The following NEO1 variants were observed in gnomAD, a reference collection of about 807,000 sequenced individuals.
The protein encoded by NEO1 is neogenin.
Under a neutral mutation model 159.7 loss-of-function variants are expected in NEO1, and 63 were observed. The observed-to-expected ratio is 0.39, with a 90% CI of 0.32 to 0.49. The LOEUF (loss-of-function observed/expected upper bound fraction) is 0.49, where lower values mean the gene tolerates loss of function less well. NEO1 is among the 20% of genes least tolerant of loss of function. NEO1 has a pLI of 0.85. For synonymous variants in NEO1, 633 were observed against 662.0 expected (o/e 0.96, Z 0.67); for missense variants, 1,615 against 1,831.0 (o/e 0.88, Z 2.15).
At position 73,052,486 on chromosome 15, in the gene NEO1, G is replaced by A; in HGVS notation, c.-190G>A. On this transcript the variant is annotated 5_prime_UTR_variant, in exon 1 of 29. Coordinates refer to ENST00000261908, the MANE Select transcript of NEO1 (RefSeq NM_002499.4). Reference sequence around the variant, plus strand: ...CTCCCCTCCCCGCCCCCTTGCAGGAGGGAGGCGCCCTGGAGTCTCCCCTCC... The same window carrying A: ...CTCCCCTCCCCGCCCCCTTGCAGGAAGGAGGCGCCCTGGAGTCTCCCCTCC... The A allele has an allele frequency of 1.2e-5, 2 of 172,054 alleles. No individual in the cohort carries two copies. Among genetic ancestry groups the A allele is most frequent in the Admixed American group, 1.4e-4 (2 of 14,526 alleles). The allele number at this position is 172,054 out of a possible 1,614,324, so 10.7% of individuals were successfully genotyped here. A position where few individuals can be genotyped will look rare whatever the true frequency, so the allele number is the denominator to read the frequency against.
At chr15:73,066,466 G>A in intron 1 of NEO1, among the ~76,000 whole-genome samples, 1 of 151,682 alleles carries the variant, frequency 6.6e-6, no homozygotes, top group Non-Finnish European at 1.5e-5. Flanking sequence ...GATTTGGGAG[G>A]GTTTCTTTTC....
chr15:73,185,950 A>G (rs1032510168), intron 7 of NEO1, among the ~76,000 whole-genome samples: 3 of 152,014 alleles, frequency 2.0e-5, no homozygotes, highest in African/African-American at 7.2e-5. Flanking sequence ...ATTAGATCAA[A>G]CCACACAACC....
chr15:73,261,581 A>G (rs1218140003), intron 15 of NEO1, among the ~76,000 whole-genome samples: 1 of 152,182 alleles, frequency 6.6e-6, no homozygotes, highest in Non-Finnish European at 1.5e-5. Flanking sequence ...GAATAGCATC[A>G]AAAAATATGA....
intron 7 of NEO1, among the ~76,000 whole-genome samples, chr15:73,189,645 T>G (rs1339580610): frequency 6.6e-6 from 1 of 152,246 alleles, no homozygotes; most frequent in Non-Finnish European, 1.5e-5. Flanking sequence ...CTATATATAC[T>G]GGCCATAGGC....
chr15:73,140,351 T>C (rs1439433896), intron 5 of NEO1, among the ~76,000 whole-genome samples: 2 of 152,100 alleles, frequency 1.3e-5, no homozygotes, highest in African/African-American at 4.8e-5. Flanking sequence ...AGGCCAGGAT[T>C]TGAAGACCAG....
intron 8 of NEO1, among the ~76,000 whole-genome samples, chr15:73,240,484 T>G (rs1567573843): frequency 2.0e-5 from 3 of 152,182 alleles, no homozygotes; most frequent in Non-Finnish European, 4.4e-5. Flanking sequence ...TGGCAGAAAT[T>G]AGTAAGAGAT....
chr15:73,266,031 A>C (rs2040872880), intron 15 of NEO1, among the ~76,000 whole-genome samples: 1 of 152,178 alleles, frequency 6.6e-6, no homozygotes, highest in African/African-American at 2.4e-5. Flanking sequence ...CAAGCCCTAC[A>C]CCATACCCTG....
intron 10 of NEO1, 111 bp from the exon 11 acceptor site, chr15:73,249,471 AG>A (rs1207784791): frequency 1.7e-6 from 2 of 1,192,810 alleles, no homozygotes; most frequent in Non-Finnish European, 2.3e-6. Context: ...CTTATGTAGA[AG>A]GGATAAAATC....
At chr15:73,069,272 A>G (rs2068410577) in intron 1 of NEO1, among the ~76,000 whole-genome samples, 1 of 151,764 alleles carries the variant, frequency 6.6e-6, no homozygotes, top group Non-Finnish European at 1.5e-5. Flanking sequence ...GAGTAGGGGC[A>G]TTTTTTATTC....
chr15:73,253,512 A>C, intron 12 of NEO1, 63 bp downstream of exon 12: 1 of 1,108,952 alleles, frequency 9.0e-7, no homozygotes, highest in Non-Finnish European at 1.3e-6. Context: ...AGAGGGGCTT[A>C]TAGAAAGGGA....
At chr15:73,083,828 A>G (rs1252446340) in intron 1 of NEO1, among the ~76,000 whole-genome samples, 1 of 152,148 alleles carries the variant, frequency 6.6e-6, no homozygotes, top group Non-Finnish European at 1.5e-5. Context: ...TAGTATTAAC[A>G]GTACTTAGAT....
At chr15:73,274,819 A>G (rs1415266671) in intron 21 of NEO1, 95 bp downstream of exon 21, 12 of 1,188,390 alleles carry the variant, frequency 1.0e-5, no homozygotes, top group Non-Finnish European at 1.4e-5. Context: ...TTTTCCTGAA[A>G]AATCAGCACC....
At chr15:73,276,127 A>G (rs573630386) in intron 21 of NEO1, among the ~76,000 whole-genome samples, 9 of 152,320 alleles carry the variant, frequency 5.9e-5, no homozygotes, top group Non-Finnish European at 1.3e-4. Flanking sequence ...TTGTTTTCTC[A>G]CTTGATTCCA....
chr15:73,111,344 CATA>C (rs1463083514), intron 1 of NEO1, among the ~76,000 whole-genome samples: 1 of 152,148 alleles, frequency 6.6e-6, no homozygotes, highest in Non-Finnish European at 1.5e-5. Context: ...CCAGACTTTT[CATA>C]ATGTTCCTCT....
At chr15:73,093,186 A>G (rs2069794499) in intron 1 of NEO1, among the ~76,000 whole-genome samples, 1 of 152,360 alleles carries the variant, frequency 6.6e-6, no homozygotes, top group Non-Finnish European at 1.5e-5. Flanking sequence ...GTGCCATCAC[A>G]CCATTTCAAG....
rs778601299 is a variant in NEO1 at position 73,270,134 on chromosome 15, G to A, written c.2619G>A (p.Thr873=). The change falls in exon 17 of 29, where the codon ACG becomes ACA. Residue 873 remains threonine (T), a synonymous_variant. Coordinates refer to ENST00000261908, the MANE Select transcript of NEO1 (RefSeq NM_002499.4). ...TGAGTCATGACACCATCAGGATTACGTGGGCAGACAACTCGCTGCCCAAGC... is the reference window on the plus strand; with the variant it reads ...TGAGTCATGACACCATCAGGATTACATGGGCAGACAACTCGCTGCCCAAGC... ...SILSHDTIRI[T]WADNSLPKHQ... is the part of the protein sequence containing the mutation. The A allele has an allele frequency of 1.8e-5, 29 of 1,613,996 alleles. No homozygotes were observed. Among genetic ancestry groups the A allele is most frequent in the African/African-American group, 2.7e-5 (2 of 74,884 alleles).
intron 5 of NEO1, among the ~76,000 whole-genome samples, chr15:73,171,544 A>G (rs1251888491): frequency 1.3e-5 from 2 of 151,944 alleles, no homozygotes; most frequent in African/African-American, 2.4e-5. Context: ...AGTCTGTGCA[A>G]CAGAGTGAGA....
rs1219049386 is a variant in NEO1, at chr15:73,236,342, T to G, written c.1292-5T>G. 1 of 1,614,056 alleles carries G rather than the reference T, an allele frequency of 6.2e-7. No homozygotes were observed. Among genetic ancestry groups the G allele is most frequent in the Non-Finnish European group, 8.5e-7 (1 of 1,180,034 alleles). On this transcript the variant is annotated splice_polypyrimidine_tract_variant and splice_region_variant and intron_variant, in intron 7 of 28. Transcript: ENST00000261908. The stretch of plus-strand genomic sequence containing the variant: ...CACTGACCAGTGCCACTACTGACCA[T>G]CTAGCACCAGCCACAACGGGACCAC...
At chr15:73,147,532 C>A (rs2033005727) in intron 5 of NEO1, among the ~76,000 whole-genome samples, 2 of 152,090 alleles carry the variant, frequency 1.3e-5, no homozygotes, top group South Asian at 4.1e-4. Flanking sequence ...CTATCTAGGA[C>A]AACATGACAA....
Sources: allele counts gnomAD v4.1 joint callset (sites outside exome capture counted in the v4.1 genomes callset), GRCh38; gene constraint gnomAD v4.1.1; transcripts MANE v1.5; gene names NCBI Gene and HGNC (gene_info 2026-07-23, HGNC 2026-07-21).